TMEM106B: variants seen among roughly 807,000 people sequenced by gnomAD.
TMEM106B encodes the protein transmembrane protein 106B.
Under a neutral mutation model 31.1 loss-of-function variants are expected in TMEM106B, and 15 were observed. The ratio of observed to expected loss-of-function variants is 0.48; its 90% CI spans 0.32 to 0.74. The LOEUF (loss-of-function observed/expected upper bound fraction) is 0.74, where lower values mean the gene tolerates loss of function less well. Ranked by LOEUF, TMEM106B falls within the 30% of genes least tolerant of loss-of-function variation. The probability of loss-of-function intolerance (pLI) is 0.03; values close to 1 mark genes in which losing one functional copy is unlikely to be tolerated. For missense variants in TMEM106B, 283 were observed against 327.3 expected (o/e 0.86, Z 1.04); for synonymous variants, 126 against 112.5 (o/e 1.12, Z -0.76).
In TMEM106B at chr7:12,237,148, C is replaced by T. The variant is rs1022827944; in HGVS notation, c.*5173C>T. ...TATAATAGCAAACAAATAGAAATGC[C>T]CCCAAAATGCTATTTTTTTAATTCA... On this transcript the variant is annotated 3_prime_UTR_variant, in exon 8 of 8. Transcript: ENST00000396668. 2.5e-4 allele frequency: 38 copies of T among 151,726 alleles called. 1 individual carries two copies. Among genetic ancestry groups the T allele is most frequent in the Admixed American group, 1.7e-3 (26 of 15,224 alleles). The allele number at this position is 151,726 out of a possible 1,614,324, so 9.4% of individuals were successfully genotyped here.
intron 1 of TMEM106B, among the ~76,000 whole-genome samples, chr7:12,212,615 A>AT (rs962006075): frequency 6.6e-6 from 1 of 151,406 alleles, no homozygotes; most frequent in Admixed American, 6.6e-5. Context: ...AATTTTATTT[A>AT]TTTTTTTATC....
rs1782132060 is a variant in TMEM106B, at chr7:12,236,196, G to T, written c.*4221G>T. On this transcript the variant is annotated 3_prime_UTR_variant, in exon 8 of 8. Coordinates refer to ENST00000396668, the MANE Select transcript of TMEM106B (RefSeq NM_001134232.2). ...AAATTTCTGACTAGAACTAACATTTGTGTATTTTTGTGCTTAGTCGGAATA... is the reference window on the plus strand; with the variant it reads ...AAATTTCTGACTAGAACTAACATTTTTGTATTTTTGTGCTTAGTCGGAATA... 1.3e-5 allele frequency: 2 copies of T among 151,850 alleles called. No individual in the cohort carries two copies. Among genetic ancestry groups the T allele is most frequent in the Non-Finnish European group, 2.9e-5 (2 of 67,840 alleles). The allele number at this position is 151,850 out of a possible 1,614,324, so 9.4% of individuals were successfully genotyped here. A position where few individuals can be genotyped will look rare whatever the true frequency, so the allele number is the denominator to read the frequency against.
At position 12,233,201 on chromosome 7, in the gene TMEM106B, A is replaced by G. The variant is rs971041036; in HGVS notation, c.*1226A>G. The G allele has an allele frequency of 6.8e-6, 1 of 147,132 alleles. No individual in the cohort carries two copies. Among genetic ancestry groups the G allele is most frequent in the African/African-American group, 2.5e-5 (1 of 40,210 alleles). The allele number at this position is 147,132 out of a possible 1,614,324, so 9.1% of individuals were successfully genotyped here. ...CAAATATAGATTATTGACTTATTCA[A>G]CTTTGCTGTTTTATATTTTCAGTAT... On this transcript the variant is annotated 3_prime_UTR_variant, in exon 8 of 8. Coordinates refer to ENST00000396668, the MANE Select transcript of TMEM106B (RefSeq NM_001134232.2).
intron 3 of TMEM106B, among the ~76,000 whole-genome samples, chr7:12,219,178 T>C (rs1583452043): frequency 6.6e-6 from 1 of 151,988 alleles, no homozygotes; most frequent in Admixed American, 6.6e-5. Flanking sequence ...CAAATACATA[T>C]CCTCAAGAAA....
chr7:12,223,628 G>C (rs1184279156), intron 3 of TMEM106B, among the ~76,000 whole-genome samples: 1 of 151,910 alleles, frequency 6.6e-6, no homozygotes, highest in Admixed American at 6.6e-5. Flanking sequence ...AAGCTCCTCA[G>C]CTTGAATCTA....
chr7:12,216,428 G>A (rs182727515), intron 2 of TMEM106B, among the ~76,000 whole-genome samples: 4 of 152,198 alleles, frequency 2.6e-5, no homozygotes, highest in East Asian at 3.9e-4. Flanking sequence ...GAGTTCAGGA[G>A]CTCAAGTTTA....
Position 12,240,075 on chromosome 7 carries a change from T to C in TMEM106B, c.*8100T>C, listed in dbSNP as rs564316275. ...TTTTTACTGAAAAAGCCCAAGTTCT[T>C]ACTCTGGTGTTGAGAACCTTTCATT... is the stretch of plus-strand genomic sequence containing the variant. On this transcript the variant is annotated 3_prime_UTR_variant, in exon 8 of 8. Transcript: ENST00000396668. 4 of 152,264 alleles carry C rather than the reference T, an allele frequency of 2.6e-5. No individual in the cohort carries two copies. The South Asian group carries it at 8.3e-4, about 32-fold the overall frequency. The allele number at this position is 152,264 out of a possible 1,614,324, so 9.4% of individuals were successfully genotyped here.
intron 3 of TMEM106B, among the ~76,000 whole-genome samples, chr7:12,223,966 G>T (rs144830416): frequency 6.6e-6 from 1 of 151,940 alleles, no homozygotes; most frequent in African/African-American, 2.4e-5. Context: ...TGATACGCCC[G>T]CCTCAGCCTC....
Position 12,232,198 on chromosome 7 carries a change from T to C in TMEM106B, c.*223T>C. 1 of 339,428 alleles carries C rather than the reference T, an allele frequency of 2.9e-6. No homozygotes were observed. The highest frequency in any genetic ancestry group is 5.4e-6 in the Non-Finnish European group (1 of 186,030). 21.0% of individuals were successfully genotyped at this position (339,428 alleles called of 1,614,324 possible). ...TTTTACTTGAATCTAAATTTACTGG[T>C]TGATTTCCTTCTCCAGCCTATCCCC... On this transcript the variant is annotated 3_prime_UTR_variant, in exon 8 of 8. Coordinates refer to ENST00000396668, the MANE Select transcript of TMEM106B (RefSeq NM_001134232.2).
chr7:12,230,391 T>A lies in TMEM106B; in HGVS notation c.585T>A (p.Ile195=), dbSNP rs749702450. The change falls in exon 6 of 8, where the codon ATT becomes ATA. Residue 195 remains isoleucine (I), a splice_region_variant and synonymous_variant. Coordinates refer to ENST00000396668, the MANE Select transcript of TMEM106B (RefSeq NM_001134232.2). Reference sequence around the variant, plus strand: ...GAATTTCTCCTTTTGCCTTTCAGATTGATTACACAGTACCTACCGTTATAG... The same window carrying A: ...GAATTTCTCCTTTTGCCTTTCAGATAGATTACACAGTACCTACCGTTATAG... The part of the protein sequence containing the change: ...TIIGPLDMKQ[I]DYTVPTVIAE... 5 of 1,602,288 alleles carry A rather than the reference T, an allele frequency of 3.1e-6. No homozygotes were observed. Among genetic ancestry groups the A allele is most frequent in the Non-Finnish European group, 4.3e-6 (5 of 1,170,766 alleles).
chr7:12,229,951 T>A, intron 5 of TMEM106B, 132 bp downstream of exon 5: 1 of 993,156 alleles, frequency 1.0e-6, no homozygotes. Flanking sequence ...GTACAGTGGC[T>A]CATGCCTGTG....
intron 4 of TMEM106B, among the ~76,000 whole-genome samples, chr7:12,226,606 G>A (rs566131586): frequency 6.6e-6 from 1 of 152,144 alleles, no homozygotes; most frequent in South Asian, 2.1e-4. Flanking sequence ...AGAGATGTCT[G>A]TGGTGGTGGT....
intron 6 of TMEM106B, chr7:12,230,785 C>T: frequency 3.0e-6 from 1 of 335,224 alleles, no homozygotes; most frequent in Admixed American, 4.6e-5. Flanking sequence ...GGGTAAATAA[C>T]AACCTAGTTA....
chr7:12,214,516 G>A, intron 1 of TMEM106B: 2 of 282,220 alleles, frequency 7.1e-6, no homozygotes, highest in East Asian at 7.0e-5. Flanking sequence ...TTTCTGGGCT[G>A]AATTAATGTA....
rs1243538214 is a variant in TMEM106B at position 12,235,265 on chromosome 7, T to C, written c.*3290T>C. ...GTCTAAGGAAATTATTTATAAATAA[T>C]AGAGATTAATTTATTTGAGATTTGA... On this transcript the variant is annotated 3_prime_UTR_variant, in exon 8 of 8. Coordinates refer to ENST00000396668, the MANE Select transcript of TMEM106B (RefSeq NM_001134232.2). The C allele has an allele frequency of 1.3e-5, 2 of 152,292 alleles. No individual in the cohort carries two copies. The highest frequency in any genetic ancestry group is 2.9e-5 in the Non-Finnish European group (2 of 67,822). 9.4% of individuals were successfully genotyped at this position (152,292 alleles called of 1,614,324 possible). A position where few individuals can be genotyped will look rare whatever the true frequency, so the allele number is the denominator to read the frequency against.
chr7:12,241,411 C>T lies in TMEM106B; in HGVS notation c.*9436C>T, dbSNP rs1466693543. ...TGCTATCCCTCCCCTAGCCCCCTAC[C>T]CCACAAAAGGCCCCAGTGTGTGATG... On this transcript the variant is annotated 3_prime_UTR_variant, in exon 8 of 8. Coordinates refer to ENST00000396668, the MANE Select transcript of TMEM106B (RefSeq NM_001134232.2). 1 of 152,104 alleles carries T rather than the reference C, an allele frequency of 6.6e-6. No homozygotes were observed. Among genetic ancestry groups the T allele is most frequent in the Non-Finnish European group, 1.5e-5 (1 of 68,046 alleles). 9.4% of individuals were successfully genotyped at this position (152,104 alleles called of 1,614,324 possible). A position where few individuals can be genotyped will look rare whatever the true frequency, so the allele number is the denominator to read the frequency against.
intron 2 of TMEM106B, among the ~76,000 whole-genome samples, 187 bp downstream of exon 2, chr7:12,215,214 A>C (rs555580345): frequency 7.9e-5 from 12 of 152,304 alleles, no homozygotes; most frequent in Admixed American, 6.5e-4. Context: ...AAGGTTCCTA[A>C]AGCAGTAAAG....
rs1782117306 is a variant in TMEM106B at position 12,235,649 on chromosome 7, G to A, written c.*3674G>A. On this transcript the variant is annotated 3_prime_UTR_variant, in exon 8 of 8. Coordinates refer to ENST00000396668, the MANE Select transcript of TMEM106B (RefSeq NM_001134232.2). The stretch of plus-strand genomic sequence containing the variant: ...CTAGATATTTTCTTGGAGGGCATGT[G>A]CCCAACTCTCCCGCACCCCATTTTG... 1 of 151,730 alleles carries A rather than the reference G, an allele frequency of 6.6e-6. No individual in the cohort carries two copies. The highest frequency in any genetic ancestry group is 2.1e-4 in the South Asian group (1 of 4,830). The allele number at this position is 151,730 out of a possible 1,614,324, so 9.4% of individuals were successfully genotyped here.
Position 12,242,845 on chromosome 7 carries a change from T to A in TMEM106B, c.*10870T>A, listed in dbSNP as rs1444803072. 1.3e-5 allele frequency: 2 copies of A among 152,142 alleles called. No homozygotes were observed. The highest frequency in any genetic ancestry group is 2.9e-5 in the Non-Finnish European group (2 of 67,994). The allele number at this position is 152,142 out of a possible 1,614,324, so 9.4% of individuals were successfully genotyped here. ...ACTTATGAACCATAGAATTCTGTAT[T>A]CTTTTCATAACTTTTAACTTTTCCA... On this transcript the variant is annotated 3_prime_UTR_variant, in exon 8 of 8. Transcript: ENST00000396668.
Sources: gnomAD v4.1 joint callset for allele counts (sites outside exome capture counted in the v4.1 genomes callset) on GRCh38, gnomAD v4.1.1 for gene constraint, MANE v1.5 for transcripts, NCBI Gene and HGNC (gene_info 2026-07-23, HGNC 2026-07-21) for gene names.